LRP1B: variants seen among roughly 807,000 people sequenced by gnomAD.
LRP1B encodes low-density lipoprotein receptor-related protein 1B.
Under a neutral mutation model 556.6 loss-of-function variants are expected in LRP1B, and 217 were observed. The ratio of observed to expected loss-of-function variants is 0.39; its 90% CI spans 0.35 to 0.44. The LOEUF (loss-of-function observed/expected upper bound fraction) is 0.44, where lower values mean the gene tolerates loss of function less well. LRP1B is among the 20% of genes least tolerant of loss of function. The probability of loss-of-function intolerance (pLI) is 1.00; values close to 1 mark genes in which losing one functional copy is unlikely to be tolerated. For missense variants in LRP1B, 5,053 were observed against 5,620.8 expected, an observed-to-expected ratio of 0.90 and a Z score of 3.23; for synonymous variants, 2,047 against 1,865.8, an observed-to-expected ratio of 1.10 and a Z score of -2.50.
intron 60 of LRP1B, among the ~76,000 whole-genome samples, chr2:140,464,964 A>C (rs1687482457): frequency 6.6e-6 from 1 of 152,196 alleles, no homozygotes; most frequent in Non-Finnish European, 1.5e-5. Context: ...GCATTTTCAA[A>C]TGTGTTGGCA....
intron 1 of LRP1B, among the ~76,000 whole-genome samples, chr2:141,829,818 G>A (rs1697055619): frequency 6.6e-6 from 1 of 151,956 alleles, no homozygotes; most frequent in Non-Finnish European, 1.5e-5. Flanking sequence ...ATTATGTTCA[G>A]TGCATGAATA....
intron 23 of LRP1B, among the ~76,000 whole-genome samples, chr2:140,892,786 G>T (rs1693836403): frequency 6.6e-6 from 1 of 152,098 alleles, no homozygotes; most frequent in Non-Finnish European, 1.5e-5. Flanking sequence ...GAATGGAAAA[G>T]CATAAAAGAT....
rs762703775 is a variant in LRP1B, at chr2:142,130,688, T to C, written c.42A>G (p.Leu14=). ...CGGTCAGCACCCTGGCAATCGGCAA[T>C]AATCCCGAGAGAGTGAGTAAGGCGA... ...FLLALLTLSG[L]LPIARVLTVG... Residue 14 remains leucine, a synonymous_variant, in exon 1 of 91, where the codon TTA becomes TTG. Transcript: ENST00000389484. 1.9e-6 allele frequency: 3 copies of C among 1,613,500 alleles called. No individual in the cohort carries two copies. The highest frequency in any genetic ancestry group is 2.5e-6 in the Non-Finnish European group (3 of 1,179,806).
chr2:141,903,930 C>T (rs1018675098), intron 1 of LRP1B, among the ~76,000 whole-genome samples: 2 of 151,724 alleles, frequency 1.3e-5, no homozygotes, highest in Admixed American at 6.6e-5. Context: ...GGAGAAGCCA[C>T]GAAAACATCT....
chr2:140,752,728 T>C (rs1358075809), intron 35 of LRP1B, among the ~76,000 whole-genome samples: 1 of 152,248 alleles, frequency 6.6e-6, no homozygotes, highest in African/African-American at 2.4e-5. Context: ...TACTTATTTT[T>C]TTCAAACAAT....
rs145575783 is a variant in LRP1B, at chr2:141,767,007, A to C, written c.205+43272T>G. Among the ~76,000 whole-genome samples, 11 of 152,288 alleles carry C rather than the reference A, an allele frequency of 7.2e-5. No homozygotes were observed. The East Asian group carries it at 2.1e-3, about 29-fold the overall frequency. On this transcript the variant is annotated intron_variant, in intron 2 of 90. Coordinates refer to ENST00000389484, the MANE Select transcript of LRP1B (RefSeq NM_018557.3). ...CTTATACAAAAGGAGAGAACATAAC[A>C]ATTTTTTATTATTCTTAGTTGGACT...
intron 2 of LRP1B, among the ~76,000 whole-genome samples, chr2:141,755,088 A>T (rs1002102056): frequency 6.6e-6 from 1 of 152,122 alleles, no homozygotes; most frequent in African/African-American, 2.4e-5. Flanking sequence ...ATCATTCCTC[A>T]TATTGGGAAT....
rs375995050 is a variant in LRP1B, at chr2:141,752,803, GGT to G, written c.205+57474_205+57475del. 1.1e-3 allele frequency among the ~76,000 whole-genome samples: 168 copies of G among 150,886 alleles called. No homozygotes were observed. In the East Asian group the frequency reaches 0.02, roughly 18 times the overall value. ...AAAGCACAAAAAATTAGCTGGTTTT[GGT>G]GGTGCATGCCTGTGGTCCCTGCGAC... On this transcript the variant is annotated intron_variant, in intron 2 of 90. Coordinates refer to ENST00000389484, the MANE Select transcript of LRP1B (RefSeq NM_018557.3).
intron 7 of LRP1B, among the ~76,000 whole-genome samples, chr2:141,115,669 A>G (rs1303523170): frequency 6.6e-6 from 1 of 150,462 alleles, no homozygotes; most frequent in African/African-American, 2.4e-5. Flanking sequence ...TTTTTAGTAG[A>G]GACGGGTTTT....
intron 2 of LRP1B, among the ~76,000 whole-genome samples, chr2:141,635,436 T>G (rs1328446138): frequency 6.6e-6 from 1 of 152,172 alleles, no homozygotes; most frequent in African/African-American, 2.4e-5. Context: ...AAGTCTGCTG[T>G]ATTTTGCTTG....
At chr2:140,428,105 T>C (rs1685741661) in intron 66 of LRP1B, among the ~76,000 whole-genome samples, 1 of 152,204 alleles carries the variant, frequency 6.6e-6, no homozygotes, top group African/African-American at 2.4e-5. Flanking sequence ...TTTACAGCCC[T>C]AGACCCTAAA....
At chr2:140,877,734 C>A (rs1573833063) in intron 25 of LRP1B, among the ~76,000 whole-genome samples, 2 of 152,178 alleles carry the variant, frequency 1.3e-5, no homozygotes, top group African/African-American at 4.8e-5. Context: ...AATCTTCCCA[C>A]CTTTGCTTCG....
chr2:141,357,673 G>A (rs1688676006), intron 3 of LRP1B, among the ~76,000 whole-genome samples: 1 of 152,108 alleles, frequency 6.6e-6, no homozygotes, highest in South Asian at 2.1e-4. Flanking sequence ...TGAAAACAAT[G>A]TTAAATGATA....
intron 3 of LRP1B, among the ~76,000 whole-genome samples, chr2:141,390,163 G>A (rs1302290675): frequency 6.6e-6 from 1 of 151,898 alleles, no homozygotes; most frequent in African/African-American, 2.4e-5. Flanking sequence ...AAAAGTAGAT[G>A]AACAAAGCAC....
chr2:141,128,732 T>TTGA (rs1701277603), intron 7 of LRP1B, among the ~76,000 whole-genome samples: 2 of 152,202 alleles, frequency 1.3e-5, no homozygotes, highest in East Asian at 1.9e-4. Context: ...GCAGTTCTCC[T>TTGA]ACCTCAGCCT....
chr2:140,264,349 C>A (rs1030872749), intron 86 of LRP1B, among the ~76,000 whole-genome samples: 1 of 152,164 alleles, frequency 6.6e-6, no homozygotes, highest in Non-Finnish European at 1.5e-5. Context: ...CTGCCTTAGC[C>A]TCCCAAGTAG....
intron 35 of LRP1B, among the ~76,000 whole-genome samples, chr2:140,754,914 C>A (rs72984106): frequency 0.015 from 2,279 of 151,780 alleles, 49 homozygotes; most frequent in African/African-American, 0.05. Flanking sequence ...TTTGACAAAT[C>A]TGTAGCTAGA....
chr2:140,790,288 A>C (rs1182476894), intron 32 of LRP1B, among the ~76,000 whole-genome samples: 1 of 152,098 alleles, frequency 6.6e-6, no homozygotes, highest in Non-Finnish European at 1.5e-5. Flanking sequence ...GCTAATACTG[A>C]ATACGCCCCA....
At chr2:140,616,697 T>C (rs77670024) in intron 41 of LRP1B, among the ~76,000 whole-genome samples, 2 of 151,926 alleles carry the variant, frequency 1.3e-5, no homozygotes, top group East Asian at 3.8e-4. Context: ...AATTGTTTAT[T>C]AATATTTATT....
Sources: gnomAD v4.1 joint callset for allele counts (sites outside exome capture counted in the v4.1 genomes callset) on GRCh38, gnomAD v4.1.1 for gene constraint, MANE v1.5 for transcripts, NCBI Gene and HGNC (gene_info 2026-07-23, HGNC 2026-07-21) for gene names.